The following ZDHHC17 variants were observed in gnomAD, a reference collection of about 807,000 sequenced individuals.
ZDHHC17 encodes the protein zDHHC palmitoyltransferase 17.
In ZDHHC17, 40 loss-of-function variants were observed where a neutral mutation model predicts 90.3. The ratio of observed to expected loss-of-function variants is 0.44; its 90% CI spans 0.34 to 0.58. The LOEUF is 0.58. Among genes scored for constraint, ZDHHC17 ranks in the 20% least tolerant of loss-of-function variants. ZDHHC17 has a pLI of 0.01. For missense variants in ZDHHC17, 614 were observed against 780.8 expected, an observed-to-expected ratio of 0.79 and a Z score of 2.55; for synonymous variants, 235 against 252.4, an observed-to-expected ratio of 0.93 and a Z score of 0.65.
At chr12:76,834,842 A>C (rs1297738150) in intron 10 of ZDHHC17, among the ~76,000 whole-genome samples, 4 of 152,092 alleles carry the variant, frequency 2.6e-5, no homozygotes. Context: ...GATGTTCATC[A>C]TGTTTCCTAG....
rs61663401 is a variant in ZDHHC17, at chr12:76,788,688, A to ATATTTTTTTTTTTTTTTTTTTT, written c.94-8745_94-8744insATTTTTTTTTTTTTTTTTTTTT. Among the ~76,000 whole-genome samples, 218 of 98,634 alleles carry ATATTTTTTTTTTTTTTTTTTTT rather than the reference A, an allele frequency of 2.2e-3. 47 individuals are homozygous for ATATTTTTTTTTTTTTTTTTTTT. The highest frequency in any genetic ancestry group is 4.7e-3 in the East Asian group (13 of 2,742). 64.7% of individuals were successfully genotyped at this position (98,634 alleles called of 152,430 possible). A position where few individuals can be genotyped will look rare whatever the true frequency, so the allele number is the denominator to read the frequency against. On this transcript the variant is annotated intron_variant, in intron 1 of 16. Transcript: ENST00000426126. ...AAAATATATTTAAGTTGGAATCGCA[A>ATATTTTTTTTTTTTTTTTTTTT]TTTTTTTTTTTTTTTTTTTTTTTTT...
intron 5 of ZDHHC17, among the ~76,000 whole-genome samples, chr12:76,814,270 CTAAG>C (rs1216132877): frequency 6.6e-6 from 1 of 151,686 alleles, no homozygotes; most frequent in African/African-American, 2.4e-5. Context: ...TTGCTAAAAA[CTAAG>C]TAGTAGTGGG....
At chr12:76,809,153 G>C (rs760252362) in intron 4 of ZDHHC17, 33 bp downstream of exon 4, 104 of 1,470,628 alleles carry the variant, frequency 7.1e-5, no homozygotes, top group Non-Finnish European at 9.4e-5. Context: ...TTTTCCTTTG[G>C]TTCCTTTATT....
At chr12:76,789,507 G>A (rs564209959) in intron 1 of ZDHHC17, among the ~76,000 whole-genome samples, 1 of 152,158 alleles carries the variant, frequency 6.6e-6, no homozygotes, top group Non-Finnish European at 1.5e-5. Flanking sequence ...TGATATATTG[G>A]TATATGCAGT....
At chr12:76,782,378 T>C (rs1952637195) in intron 1 of ZDHHC17, among the ~76,000 whole-genome samples, 1 of 152,242 alleles carries the variant, frequency 6.6e-6, no homozygotes, top group Non-Finnish European at 1.5e-5. Context: ...GCCCAGAGAC[T>C]GAGGCCTGCT....
At chr12:76,832,057 T>C (rs764884405) in intron 10 of ZDHHC17, among the ~76,000 whole-genome samples, 2 of 152,258 alleles carry the variant, frequency 1.3e-5, no homozygotes, top group Admixed American at 1.3e-4. Context: ...CTTCATGTTA[T>C]AGAAGAGCTG....
chr12:76,827,959 A>G (rs1006027750), intron 9 of ZDHHC17, among the ~76,000 whole-genome samples: 1 of 152,090 alleles, frequency 6.6e-6, no homozygotes, highest in Non-Finnish European at 1.5e-5. Context: ...ATGTGCTCCA[A>G]CTTTTGCTGG....
intron 1 of ZDHHC17, among the ~76,000 whole-genome samples, chr12:76,769,408 T>G (rs750739377): frequency 6.6e-5 from 10 of 152,180 alleles, no homozygotes; most frequent in Non-Finnish European, 1.5e-4. Flanking sequence ...CTATTACTTT[T>G]TGCCCTATTA....
chr12:76,806,397 G>A (rs1952953877), intron 3 of ZDHHC17, among the ~76,000 whole-genome samples: 1 of 152,098 alleles, frequency 6.6e-6, no homozygotes. Context: ...TCCTGCCTCA[G>A]CCTCCCGAGT....
intron 10 of ZDHHC17, among the ~76,000 whole-genome samples, chr12:76,831,834 C>CT (rs1200561529): frequency 1.3e-5 from 2 of 152,042 alleles, no homozygotes; most frequent in Non-Finnish European, 2.9e-5. Flanking sequence ...TTTGTAGAGA[C>CT]TGAGTTTTGC....
chr12:76,837,474 A>C lies in ZDHHC17; in HGVS notation c.1142-4508A>C, dbSNP rs182852950. Among the ~76,000 whole-genome samples, 51 of 152,276 alleles carry C rather than the reference A, an allele frequency of 3.3e-4. 1 individual carries two copies. In the East Asian group the frequency reaches 7.4e-3, roughly 22 times the overall value. ...TATGCCACTGCACTCTGGCCTGGGC[A>C]ACAGAGTGAGACCTTGTCTCTGTTA... On this transcript the variant is annotated intron_variant, in intron 10 of 16. Coordinates refer to ENST00000426126, the MANE Select transcript of ZDHHC17 (RefSeq NM_015336.4).
chr12:76,798,301 A>G (rs574077461), intron 2 of ZDHHC17, among the ~76,000 whole-genome samples: 1 of 152,346 alleles, frequency 6.6e-6, no homozygotes, highest in South Asian at 2.1e-4. Flanking sequence ...AGATAGGCAA[A>G]GGAAAAGGAC....
chr12:76,782,507 TG>T lies in ZDHHC17; in HGVS notation c.94-14924del, dbSNP rs1952638763. On this transcript the variant is annotated intron_variant, in intron 1 of 16. Transcript: ENST00000426126. ...GATATTGAGTCAAGAGCATTTCCTT[TG>T]GGCCAGGCAAACACTTTAGATGCTG... is the stretch of plus-strand genomic sequence containing the variant. 2.0e-5 allele frequency among the ~76,000 whole-genome samples: 3 copies of T among 152,182 alleles called. No individual in the cohort carries two copies. In the South Asian group the frequency reaches 6.2e-4, roughly 31 times the overall value.
chr12:76,799,587 GT>G (rs1429325644), intron 2 of ZDHHC17, among the ~76,000 whole-genome samples: 2 of 152,170 alleles, frequency 1.3e-5, no homozygotes, highest in African/African-American at 2.4e-5. Context: ...ATGTTTCTGG[GT>G]AGAGTCTGTG....
intron 2 of ZDHHC17, among the ~76,000 whole-genome samples, chr12:76,797,850 G>A (rs1235354275): frequency 6.6e-6 from 1 of 151,884 alleles, no homozygotes; most frequent in African/African-American, 2.4e-5. Flanking sequence ...AGGCTGAGGC[G>A]GGAGAATCGC....
chr12:76,851,019 G>A lies in ZDHHC17; in HGVS notation c.*34G>A, dbSNP rs1014721273. ...TATCCTATGAAGCATATTGCTGAGT[G>A]GTGCCTGAAAATTGTGTCTGTCCGT... On this transcript the variant is annotated 3_prime_UTR_variant, in exon 17 of 17. Transcript: ENST00000426126. The A allele has an allele frequency of 1.2e-6, 2 of 1,612,064 alleles. No individual in the cohort carries two copies. The highest frequency in any genetic ancestry group is 3.4e-5 in the Admixed American group (2 of 59,694).
chr12:76,851,269 ATTTTTC>A lies in ZDHHC17; in HGVS notation c.*285_*290del. On this transcript the variant is annotated 3_prime_UTR_variant, in exon 17 of 17. Coordinates refer to ENST00000426126, the MANE Select transcript of ZDHHC17 (RefSeq NM_015336.4). ...AACTTTTGGGTTTTGTTCTCACAGT[ATTTTTC>A]ACAAAAAAAGGGTAAACTTATTCTA... 5.6e-6 allele frequency: 2 copies of A among 354,038 alleles called. No homozygotes were observed. Among genetic ancestry groups the A allele is most frequent in the African/African-American group, 4.4e-5 (2 of 45,930 alleles). The allele number at this position is 354,038 out of a possible 1,614,324, so 21.9% of individuals were successfully genotyped here. A position where few individuals can be genotyped will look rare whatever the true frequency, so the allele number is the denominator to read the frequency against.
intron 1 of ZDHHC17, among the ~76,000 whole-genome samples, chr12:76,768,312 T>C (rs2137706034): frequency 6.6e-6 from 1 of 152,312 alleles, no homozygotes; most frequent in East Asian, 1.9e-4. Flanking sequence ...ATTTAACTGG[T>C]CTCAGTTTTG....
At chr12:76,850,280 C>T (rs1336702178) in intron 16 of ZDHHC17, among the ~76,000 whole-genome samples, 1 of 152,130 alleles carries the variant, frequency 6.6e-6, no homozygotes, top group Non-Finnish European at 1.5e-5. Context: ...ATGAACTTAT[C>T]CTTGACATTT....
Sources: gnomAD v4.1 joint callset for allele counts (sites outside exome capture counted in the v4.1 genomes callset) on GRCh38, gnomAD v4.1.1 for gene constraint, MANE v1.5 for transcripts, NCBI Gene and HGNC (gene_info 2026-07-23, HGNC 2026-07-21) for gene names.